The following KRABD3 variants were observed in gnomAD, a reference collection of about 807,000 sequenced individuals.
The protein encoded by KRABD3 is KRAB domain containing 3, also known as KRAB domain-containing protein 3.
At chr7:149,729,842 G>T in the KRABD3 span, 3 of 985,328 alleles carry the variant, frequency 3.0e-6, no homozygotes, top group Non-Finnish European at 3.6e-6. Context: ...TGCCTGGTGG[G>T]AGAAGCCGCC....
the KRABD3 span, chr7:149,724,812 A>C: frequency 6.3e-7 from 1 of 1,598,690 alleles, no homozygotes; most frequent in Non-Finnish European, 8.5e-7. Flanking sequence ...GAGACACCAG[A>C]GGGGTCCCCC....
the KRABD3 span, chr7:149,723,878 G>A: frequency 1.9e-5 from 30 of 1,613,530 alleles, no homozygotes; most frequent in Admixed American, 4.3e-4. Flanking sequence ...GCCTGGAAAA[G>A]GGGTTCTGGA....
the KRABD3 span, among the ~76,000 whole-genome samples, chr7:149,718,092 C>T: frequency 6.6e-6 from 1 of 152,080 alleles, no homozygotes. Flanking sequence ...ACCATCACAC[C>T]CAGCCTGGGA....
the KRABD3 span, chr7:149,734,242 C>T: frequency 1.2e-5 from 8 of 664,274 alleles, no homozygotes; most frequent in Non-Finnish European, 2.0e-5. Context: ...GTGGGGGTGC[C>T]TTCCTCAGCC....
the KRABD3 span, chr7:149,728,728 C>A: frequency 6.3e-7 from 1 of 1,576,314 alleles, no homozygotes; most frequent in South Asian, 1.1e-5. Flanking sequence ...CTGAGGATGC[C>A]CTAGGCGCTG....
chr7:149,723,287 A>G, the KRABD3 span, among the ~76,000 whole-genome samples: 4 of 152,208 alleles, frequency 2.6e-5, no homozygotes, highest in South Asian at 8.3e-4. Flanking sequence ...TCTGGACAGC[A>G]TGGTGGAGGG....
the KRABD3 span, among the ~76,000 whole-genome samples, chr7:149,726,610 G>C: frequency 6.6e-6 from 1 of 151,734 alleles, no homozygotes; most frequent in African/African-American, 2.4e-5. Flanking sequence ...GCTAATCTTT[G>C]TGTTTTTAGT....
At chr7:149,729,218 G>A in the KRABD3 span, 33 of 1,579,332 alleles carry the variant, frequency 2.1e-5, no homozygotes, top group South Asian at 4.6e-5. Flanking sequence ...GAGTCAGCCC[G>A]TCTCGGGCAG....
the KRABD3 span, chr7:149,725,863 C>A: frequency 6.6e-7 from 1 of 1,518,464 alleles, no homozygotes. Flanking sequence ...CTCCTGGTGA[C>A]CACAACTGTG....
the KRABD3 span, chr7:149,720,979 C>G: frequency 6.2e-7 from 1 of 1,613,432 alleles, no homozygotes; most frequent in Non-Finnish European, 8.5e-7. Context: ...GGAGAGAGAG[C>G]GAGCCCCGAG....
chr7:149,722,459 C>T, the KRABD3 span: 11 of 1,607,906 alleles, frequency 6.8e-6, no homozygotes, highest in Non-Finnish European at 8.5e-7. Flanking sequence ...GGAAGGAAGG[C>T]CCAGGAGCCC....
the KRABD3 span, chr7:149,725,899 A>G: frequency 6.3e-7 from 1 of 1,588,680 alleles, no homozygotes; most frequent in Non-Finnish European, 8.6e-7. Context: ...GCGACCAGAG[A>G]GCCTGTTCTG....
the KRABD3 span, chr7:149,725,244 C>T: frequency 1.4e-6 from 2 of 1,436,584 alleles, no homozygotes; most frequent in Non-Finnish European, 1.9e-6. Flanking sequence ...TCGGGTAGAG[C>T]CAGCCAGGGG....
chr7:149,733,789 G>A, the KRABD3 span: 96 of 1,601,798 alleles, frequency 6.0e-5, no homozygotes, highest in Admixed American at 1.0e-4. Flanking sequence ...ATGCTGCGCC[G>A]CCTGCACACC....
At chr7:149,723,552 C>A in the KRABD3 span, 1 of 599,366 alleles carries the variant, frequency 1.7e-6, no homozygotes, top group East Asian at 2.8e-5. Context: ...TGGCTTCCCT[C>A]TTTGCCCTGT....
At chr7:149,715,322 TAG>T in the KRABD3 span, 2 of 1,213,838 alleles carry the variant, frequency 1.6e-6, no homozygotes, top group Admixed American at 8.7e-5. Flanking sequence ...GTTATCCTGG[TAG>T]AGTGGGCATG....
the KRABD3 span, chr7:149,722,052 G>T: frequency 7.9e-3 from 3,109 of 391,826 alleles, 26 homozygotes; most frequent in Middle Eastern, 0.038. Context: ...ACCCCATTTA[G>T]CTGTGGTTTC....
the KRABD3 span, chr7:149,726,035 G>C: frequency 8.7e-6 from 14 of 1,612,614 alleles, no homozygotes; most frequent in East Asian, 4.5e-5. Context: ...GTCCTGTGGG[G>C]AACCAGGGGC....
At chr7:149,718,604 T>C in the KRABD3 span, among the ~76,000 whole-genome samples, 1 of 146,202 alleles carries the variant, frequency 6.8e-6, no homozygotes. Context: ...CTGCAACCTC[T>C]GCCTTCCGAG....
Sources: gnomAD v4.1 joint callset for allele counts (sites outside exome capture counted in the v4.1 genomes callset) on GRCh38, gnomAD v4.1.1 for gene constraint, MANE v1.5 for transcripts, NCBI Gene and HGNC (gene_info 2026-07-23, HGNC 2026-07-21) for gene names.